Variants in ITGBL1 observed in about 807,000 individuals in gnomAD.
ITGBL1 encodes the protein integrin subunit beta like 1.
Under a neutral mutation model 68.5 loss-of-function variants are expected in ITGBL1, and 51 were observed. The observed-to-expected ratio is 0.74, with a 90% CI of 0.59 to 0.94. ITGBL1 has a LOEUF of 0.94. Among genes scored for constraint, ITGBL1 ranks in the 40% least tolerant of loss-of-function variants. ITGBL1 has a pLI of 0.00. For missense variants in ITGBL1, 649 were observed against 647.4 expected (o/e 1.00, Z -0.03); for synonymous variants, 209 against 227.3 (o/e 0.92, Z 0.72).
intron 2 of ITGBL1, among the ~76,000 whole-genome samples, chr13:101,531,390 C>A (rs1019515979): frequency 1.3e-5 from 2 of 152,044 alleles, no homozygotes; most frequent in African/African-American, 4.8e-5. Context: ...TTATTCAGTT[C>A]TTAAATATTT....
intron 8 of ITGBL1, among the ~76,000 whole-genome samples, chr13:101,705,804 G>A (rs1432251763): frequency 6.6e-6 from 1 of 152,124 alleles, no homozygotes; most frequent in Non-Finnish European, 1.5e-5. Context: ...TGTGAATGAT[G>A]AGCGTATCTG....
chr13:101,526,232 TGTC>T (rs1182774017), intron 2 of ITGBL1, among the ~76,000 whole-genome samples: 2 of 151,206 alleles, frequency 1.3e-5, no homozygotes, highest in Non-Finnish European at 2.9e-5. Context: ...GGTATACACA[TGTC>T]GTGGTGGTTT....
At chr13:101,456,730 A>G (rs373947023) in intron 2 of ITGBL1, among the ~76,000 whole-genome samples, 246 of 152,300 alleles carry the variant, frequency 1.6e-3, no homozygotes, top group African/African-American at 5.4e-3. Context: ...CCTGGAGAAC[A>G]TGGTGAAACA....
chr13:101,493,067 G>A (rs1474216761), intron 2 of ITGBL1, among the ~76,000 whole-genome samples: 1 of 151,996 alleles, frequency 6.6e-6, no homozygotes, highest in Admixed American at 6.5e-5. Context: ...GTTAATGGGT[G>A]GAAGGGGAGG....
intron 7 of ITGBL1, among the ~76,000 whole-genome samples, chr13:101,672,699 C>T (rs981563801): frequency 2.0e-5 from 3 of 152,228 alleles, no homozygotes; most frequent in African/African-American, 7.2e-5. Context: ...ACCAGCAGGT[C>T]TTTCCTTTTC....
chr13:101,630,573 A>G (rs2031944424), intron 7 of ITGBL1, among the ~76,000 whole-genome samples: 1 of 152,164 alleles, frequency 6.6e-6, no homozygotes, highest in Non-Finnish European at 1.5e-5. Context: ...GTACTGTTGC[A>G]CTTGATTTTT....
intron 2 of ITGBL1, among the ~76,000 whole-genome samples, chr13:101,527,943 G>C (rs2049407604): frequency 6.6e-6 from 1 of 151,842 alleles, no homozygotes; most frequent in African/African-American, 2.4e-5. Context: ...CATATTGCAA[G>C]TAATTTTTCC....
intron 6 of ITGBL1, among the ~76,000 whole-genome samples, chr13:101,587,447 A>G (rs2050575932): frequency 2.0e-5 from 3 of 152,170 alleles, no homozygotes; most frequent in African/African-American, 7.2e-5. Context: ...GTGTGACTGA[A>G]ATGATCAGGG....
chr13:101,661,760 G>A (rs34846342), intron 7 of ITGBL1, among the ~76,000 whole-genome samples: 60,318 of 151,910 alleles, frequency 0.4, 12,058 homozygotes, highest in Admixed American at 0.44. Flanking sequence ...AAAAGTAAAA[G>A]TAAAGTGGAA....
intron 4 of ITGBL1, among the ~76,000 whole-genome samples, chr13:101,575,966 C>G (rs1271479210): frequency 6.6e-6 from 1 of 152,208 alleles, no homozygotes; most frequent in Non-Finnish European, 1.5e-5. Flanking sequence ...GGTTATTAGC[C>G]TAGAGTTTAC....
chr13:101,617,365 G>T (rs2031407214), intron 7 of ITGBL1, among the ~76,000 whole-genome samples: 1 of 152,004 alleles, frequency 6.6e-6, no homozygotes, highest in Admixed American at 6.6e-5. Flanking sequence ...AGTTCAAGCA[G>T]AGAAAAGAAT....
intron 2 of ITGBL1, among the ~76,000 whole-genome samples, chr13:101,503,418 A>T (rs2048975353): frequency 6.6e-6 from 1 of 152,162 alleles, no homozygotes; most frequent in African/African-American, 2.4e-5. Flanking sequence ...AGACTCCAGG[A>T]ATGGGAAACA....
At chr13:101,498,260 A>G (rs2048887320) in intron 2 of ITGBL1, among the ~76,000 whole-genome samples, 1 of 152,104 alleles carries the variant, frequency 6.6e-6, no homozygotes, top group Non-Finnish European at 1.5e-5. Context: ...CTTACTTTCC[A>G]TATGGCCTGA....
intron 7 of ITGBL1, among the ~76,000 whole-genome samples, chr13:101,618,492 C>A (rs1283869661): frequency 6.6e-6 from 1 of 152,078 alleles, no homozygotes; most frequent in Non-Finnish European, 1.5e-5. Flanking sequence ...GTGGCAGAAT[C>A]CCAATTCAAA....
At chr13:101,635,114 A>G (rs1373898956) in intron 7 of ITGBL1, among the ~76,000 whole-genome samples, 1 of 152,104 alleles carries the variant, frequency 6.6e-6, no homozygotes, top group Non-Finnish European at 1.5e-5. Flanking sequence ...ATGAGAATGT[A>G]CAATTATCTG....
At chr13:101,544,273 T>A (rs9557694) in intron 2 of ITGBL1, among the ~76,000 whole-genome samples, 1 of 152,066 alleles carries the variant, frequency 6.6e-6, no homozygotes, top group Admixed American at 6.6e-5. Flanking sequence ...CTTCTAACAG[T>A]CAGGACCCTC....
chr13:101,495,184 T>C (rs773499617), intron 2 of ITGBL1, among the ~76,000 whole-genome samples: 11 of 152,202 alleles, frequency 7.2e-5, no homozygotes, highest in Non-Finnish European at 1.5e-4. Flanking sequence ...AGAAAGAGTA[T>C]TGACTTTAAA....
chr13:101,457,283 A>G (rs1231170371), intron 2 of ITGBL1, among the ~76,000 whole-genome samples: 2 of 152,148 alleles, frequency 1.3e-5, no homozygotes, highest in Non-Finnish European at 2.9e-5. Flanking sequence ...AGTGAGAGCA[A>G]TTTACTTCTC....
At chr13:101,503,934 T>A (rs539018270) in intron 2 of ITGBL1, among the ~76,000 whole-genome samples, 4 of 152,302 alleles carry the variant, frequency 2.6e-5, no homozygotes, top group Non-Finnish European at 4.4e-5. Flanking sequence ...TCTGGCTTTC[T>A]CTAAATCGTG....
Sources: allele counts gnomAD v4.1 joint callset (sites outside exome capture counted in the v4.1 genomes callset), GRCh38; gene constraint gnomAD v4.1.1; transcripts MANE v1.5; gene names NCBI Gene and HGNC (gene_info 2026-07-23, HGNC 2026-07-21).